The following SPTLC2 variants were observed in gnomAD, a reference collection of about 807,000 sequenced individuals.
SPTLC2 encodes serine palmitoyltransferase long chain base subunit 2, also known as serine palmitoyltransferase 2.
In SPTLC2, 21 loss-of-function variants were observed where a neutral mutation model predicts 62.0. The observed-to-expected ratio is 0.34, with a 90% confidence interval of 0.24 to 0.49. SPTLC2 has a LOEUF of 0.49. Among genes scored for constraint, SPTLC2 ranks in the 20% least tolerant of loss-of-function variants. SPTLC2 has a pLI of 0.99. For synonymous variants in SPTLC2, 261 were observed against 261.8 expected (o/e 1.00, Z 0.03); for missense variants, 511 against 713.0 (o/e 0.72, Z 3.23).
At position 77,540,073 on chromosome 14, in the gene SPTLC2, A is replaced by G. The variant is rs141889353; in HGVS notation, c.1303+12023T>C. Among the ~76,000 whole-genome samples the G allele has an allele frequency of 6.8e-3, 1,030 of 152,096 alleles. 8 individuals are homozygous for G. Among genetic ancestry groups the G allele is most frequent in the African/African-American group, 0.024 (1,001 of 41,506 alleles). On this transcript the variant is annotated intron_variant, in intron 9 of 11. Transcript: ENST00000216484. The stretch of plus-strand genomic sequence containing the variant: ...GAGCCAGGTGTGGTGACACATGCCT[A>G]TAATCCCAGCTACTCGGGAAGCTGA...
At chr14:77,560,294 T>TA (rs1281747366) in intron 6 of SPTLC2, among the ~76,000 whole-genome samples, 3 of 151,988 alleles carry the variant, frequency 2.0e-5, no homozygotes, top group Non-Finnish European at 4.4e-5. Context: ...TAGACTGGAT[T>TA]AAAAAAATGT....
chr14:77,588,081 G>A (rs2079792798), intron 2 of SPTLC2, among the ~76,000 whole-genome samples: 1 of 151,936 alleles, frequency 6.6e-6, no homozygotes, highest in Non-Finnish European at 1.5e-5. Flanking sequence ...ACTACATACA[G>A]GTGCACACCA....
intron 9 of SPTLC2, among the ~76,000 whole-genome samples, chr14:77,535,371 C>T (rs2079464178): frequency 6.6e-6 from 1 of 152,152 alleles, no homozygotes; most frequent in Non-Finnish European, 1.5e-5. Flanking sequence ...CAGGTCTTCA[C>T]TGACTTTAGG....
At chr14:77,536,365 TG>T (rs934240415) in intron 9 of SPTLC2, among the ~76,000 whole-genome samples, 18 of 152,184 alleles carry the variant, frequency 1.2e-4, no homozygotes, top group African/African-American at 3.4e-4. Context: ...AGGTATTTTT[TG>T]GTTTTTTTTT....
Position 77,555,532 on chromosome 14 carries a change from G to T in SPTLC2, c.957-13C>A. On this transcript the variant is annotated splice_polypyrimidine_tract_variant and intron_variant, in intron 7 of 11. Transcript: ENST00000216484. Reference sequence around the variant, plus strand: ...AGATCCCTCCATGCTGGCAAAACATGAAAAAATATATATATACACATATAC... The same window carrying T: ...AGATCCCTCCATGCTGGCAAAACATTAAAAAATATATATATACACATATAC... 1 of 1,612,386 alleles carries T rather than the reference G, an allele frequency of 6.2e-7. No individual in the cohort carries two copies. The highest frequency in any genetic ancestry group is 8.5e-7 in the Non-Finnish European group (1 of 1,178,850).
At chr14:77,613,943 G>A (rs577696088) in intron 1 of SPTLC2, among the ~76,000 whole-genome samples, 2 of 152,278 alleles carry the variant, frequency 1.3e-5, no homozygotes, top group East Asian at 3.9e-4. Flanking sequence ...AATATTCACA[G>A]ACAATATTCC....
At chr14:77,612,409 G>A (rs1269489674) in intron 1 of SPTLC2, among the ~76,000 whole-genome samples, 1 of 152,182 alleles carries the variant, frequency 6.6e-6, no homozygotes, top group Non-Finnish European at 1.5e-5. Flanking sequence ...AAATTCCTGA[G>A]TATCTCAAAT....
chr14:77,602,005 C>T (rs573562384), intron 1 of SPTLC2, among the ~76,000 whole-genome samples: 1 of 152,278 alleles, frequency 6.6e-6, no homozygotes, highest in Admixed American at 6.5e-5. Context: ...GGGACGCCTG[C>T]CTTGGTCATT....
In SPTLC2 at chr14:77,518,175, G is replaced by A. The variant is rs1294990118; in HGVS notation, c.1440-8C>T. ...ATCTCCCGTCCAAAGGCGCTGCAAA[G>A]GGGAAAACAAGAACAGAAACCAGGA... On this transcript the variant is annotated splice_region_variant and splice_polypyrimidine_tract_variant and intron_variant, in intron 10 of 11. Transcript: ENST00000216484. 1 of 1,614,052 alleles carries A rather than the reference G, an allele frequency of 6.2e-7. No homozygotes were observed.
intron 9 of SPTLC2, chr14:77,535,785 G>T: frequency 3.0e-6 from 1 of 330,074 alleles, no homozygotes; most frequent in Non-Finnish European, 5.9e-6. Context: ...TTGCTTGACT[G>T]ATTCCTCTAC....
intron 5 of SPTLC2, 68 bp from the exon 6 acceptor site, chr14:77,562,557 A>G: frequency 2.4e-6 from 3 of 1,273,584 alleles, no homozygotes; most frequent in Non-Finnish European, 3.4e-6. Context: ...AAATCACAAA[A>G]TGCCACAAAC....
intron 9 of SPTLC2, among the ~76,000 whole-genome samples, chr14:77,551,876 C>T (rs2079557336): frequency 6.6e-6 from 1 of 152,130 alleles, no homozygotes; most frequent in East Asian, 1.9e-4. Context: ...AGAGTAAAGC[C>T]TCCCATCTAT....
chr14:77,528,608 T>C (rs754920311), intron 9 of SPTLC2, among the ~76,000 whole-genome samples: 22 of 152,118 alleles, frequency 1.4e-4, no homozygotes, highest in South Asian at 4.1e-4. Flanking sequence ...CTCAAATAGA[T>C]AGCTCCAAGA....
intron 2 of SPTLC2, among the ~76,000 whole-genome samples, chr14:77,596,659 G>T (rs1357209651): frequency 6.6e-6 from 1 of 152,210 alleles, no homozygotes; most frequent in Non-Finnish European, 1.5e-5. Context: ...ACCGTAAATA[G>T]AATCGGTTGG....
intron 5 of SPTLC2, among the ~76,000 whole-genome samples, chr14:77,568,997 A>G (rs1021569900): frequency 2.6e-5 from 4 of 152,244 alleles, no homozygotes; most frequent in Non-Finnish European, 5.9e-5. Flanking sequence ...GCAGTAGGAT[A>G]TAAATAACTC....
At chr14:77,526,245 T>C (rs2079408698) in intron 9 of SPTLC2, among the ~76,000 whole-genome samples, 1 of 152,246 alleles carries the variant, frequency 6.6e-6, no homozygotes, top group Non-Finnish European at 1.5e-5. Context: ...AATTGCTATT[T>C]AACGCCAGTG....
At chr14:77,565,549 C>T (rs149780704) in intron 5 of SPTLC2, among the ~76,000 whole-genome samples, 9 of 152,278 alleles carry the variant, frequency 5.9e-5, no homozygotes, top group East Asian at 1.9e-4. Context: ...TTCTCAATAA[C>T]GCACGGACTC....
At chr14:77,607,086 T>TG (rs1457704682) in intron 1 of SPTLC2, among the ~76,000 whole-genome samples, 1 of 152,214 alleles carries the variant, frequency 6.6e-6, no homozygotes, top group Non-Finnish European at 1.5e-5. Context: ...TTTGTTTGTT[T>TG]TTTTAAGAGA....
chr14:77,595,751 T>C (rs1471857285), intron 2 of SPTLC2, among the ~76,000 whole-genome samples: 2 of 152,234 alleles, frequency 1.3e-5, no homozygotes, highest in Non-Finnish European at 2.9e-5. Context: ...CAATGTTCAC[T>C]GGCTCGTCTC....
Sources: gnomAD v4.1 joint callset for allele counts (sites outside exome capture counted in the v4.1 genomes callset) on GRCh38, gnomAD v4.1.1 for gene constraint, MANE v1.5 for transcripts, NCBI Gene and HGNC (gene_info 2026-07-23, HGNC 2026-07-21) for gene names.